TLL1: variants seen among roughly 807,000 people sequenced by gnomAD.
TLL1 encodes tolloid-like protein 1.
A neutral mutation model predicts 128.2 loss-of-function variants in TLL1; 49 were observed. That is an observed-to-expected ratio of 0.38 (90% confidence interval 0.30 to 0.48). The LOEUF is 0.48. TLL1 is among the 20% of genes least tolerant of loss of function. TLL1 has a pLI of 0.96. For synonymous variants in TLL1, 454 were observed against 418.8 expected (o/e 1.08, Z -1.03); for missense variants, 1,123 against 1,242.0 (o/e 0.90, Z 1.44).
Position 165,978,947 on chromosome 4 carries a change from A to C in TLL1, c.170-10434A>C, listed in dbSNP as rs542343216. On this transcript the variant is annotated intron_variant, in intron 1 of 20. Coordinates refer to ENST00000061240, the MANE Select transcript of TLL1 (RefSeq NM_012464.5). ...AAGAGTTGTAAAATAGTTTGTTCCC[A>C]TCCACTTGTATTTGAAAGTTTGAGG... is the stretch of plus-strand genomic sequence containing the variant. Among the ~76,000 whole-genome samples the C allele has an allele frequency of 8.5e-5, 13 of 152,258 alleles. No homozygotes were observed. In the East Asian group the frequency reaches 2.5e-3, roughly 29 times the overall value.
chr4:165,971,645 A>G (rs1735631760), intron 1 of TLL1, among the ~76,000 whole-genome samples: 1 of 152,162 alleles, frequency 6.6e-6, no homozygotes, highest in South Asian at 2.1e-4. Context: ...AGAAGCCCAA[A>G]TTTCTCAGTG....
intron 12 of TLL1, chr4:166,044,423 T>A: frequency 1.3e-6 from 2 of 1,535,544 alleles, no homozygotes; most frequent in Non-Finnish European, 1.7e-6. Context: ...CTCATCCTCA[T>A]CTGGAAGCCT....
chr4:166,014,300 G>A, intron 7 of TLL1, 136 bp from the exon 8 acceptor site: 1 of 1,294,016 alleles, frequency 7.7e-7, no homozygotes, highest in South Asian at 1.2e-5. Context: ...TTGAAAGCCT[G>A]ATACACTGCT....
intron 1 of TLL1, among the ~76,000 whole-genome samples, chr4:165,890,877 A>G (rs891135130): frequency 6.6e-6 from 1 of 152,116 alleles, no homozygotes; most frequent in Non-Finnish European, 1.5e-5. Context: ...TTTTCCTTCC[A>G]TACTGCCCTA....
At chr4:165,888,720 T>A (rs973439196) in intron 1 of TLL1, among the ~76,000 whole-genome samples, 4 of 152,150 alleles carry the variant, frequency 2.6e-5, no homozygotes, top group African/African-American at 9.7e-5. Flanking sequence ...TTTTCTCCCC[T>A]CTACTTAGTT....
intron 18 of TLL1, 62 bp downstream of exon 18, chr4:166,078,092 A>G (rs1741118728): frequency 1.2e-6 from 2 of 1,606,098 alleles, no homozygotes; most frequent in South Asian, 1.1e-5. Flanking sequence ...CACTACAAGC[A>G]CTTGGAAATA....
chr4:166,064,015 G>A (rs1228163024), intron 15 of TLL1, among the ~76,000 whole-genome samples: 1 of 151,446 alleles, frequency 6.6e-6, no homozygotes, highest in Admixed American at 6.6e-5. Context: ...AAAAAGAAAT[G>A]TGATGAACTT....
rs774212831 is a variant in TLL1 at position 166,025,301 on chromosome 4, T to TA, written c.1043-15_1043-14insA. ...ATAAATTAACCAATGATCTTATATA[T>TA]TTTTTTCCTTTCAGCATGTGGAGAA... On this transcript the variant is annotated splice_polypyrimidine_tract_variant and intron_variant, in intron 8 of 20. Transcript: ENST00000061240. 6 of 1,533,772 alleles carry TA rather than the reference T, an allele frequency of 3.9e-6. No individual in the cohort carries two copies. In the Admixed American group the frequency reaches 5.0e-5, roughly 13 times the overall value.
chr4:166,034,004 A>G (rs1288003610), intron 9 of TLL1, among the ~76,000 whole-genome samples: 1 of 152,166 alleles, frequency 6.6e-6, no homozygotes, highest in Non-Finnish European at 1.5e-5. Context: ...ATTTACACAT[A>G]TGGAGTGAAT....
intron 9 of TLL1, among the ~76,000 whole-genome samples, chr4:166,035,211 C>G (rs552100691): frequency 6.6e-6 from 1 of 152,078 alleles, no homozygotes; most frequent in Non-Finnish European, 1.5e-5. Context: ...TAGGTTTAAG[C>G]AGAAAAGTTA....
At chr4:166,081,741 AT>A (rs200031279) in intron 18 of TLL1, among the ~76,000 whole-genome samples, 1,989 of 145,928 alleles carry the variant, frequency 0.014, 44 homozygotes, top group African/African-American at 0.044. Context: ...CAAAGTTGTT[AT>A]TTTTTTTTTT....
At chr4:165,912,726 G>A (rs1732594716) in intron 1 of TLL1, among the ~76,000 whole-genome samples, 1 of 152,156 alleles carries the variant, frequency 6.6e-6, no homozygotes, top group Non-Finnish European at 1.5e-5. Context: ...CGTTCTGTCA[G>A]GGTATCTTGA....
At chr4:166,093,794 G>A (rs915976298) in intron 19 of TLL1, among the ~76,000 whole-genome samples, 26 of 152,112 alleles carry the variant, frequency 1.7e-4, no homozygotes, top group Middle Eastern at 3.2e-3. Context: ...CTGGTTTATC[G>A]AGACTAGAGA....
chr4:165,912,692 G>A lies in TLL1; in HGVS notation c.169+38619G>A, dbSNP rs574906456. ...TCGTTCCATAGTTGTTCAATAGAAT[G>A]TGAGAAGTTAGGGACTCCGGTATCG... On this transcript the variant is annotated intron_variant, in intron 1 of 20. Transcript: ENST00000061240. 1.4e-4 allele frequency among the ~76,000 whole-genome samples: 21 copies of A among 152,276 alleles called. No individual in the cohort carries two copies. In the South Asian group the frequency reaches 1.5e-3, roughly 11 times the overall value.
At chr4:166,065,994 C>T in intron 16 of TLL1, 131 bp downstream of exon 16, 1 of 177,248 alleles carries the variant, frequency 5.6e-6, no homozygotes, top group Non-Finnish European at 8.6e-6. Context: ...ACAAACAACA[C>T]AAAAATAATT....
chr4:165,916,798 CTGTCTATACA>C (rs1453043882), intron 1 of TLL1, among the ~76,000 whole-genome samples: 2 of 152,060 alleles, frequency 1.3e-5, no homozygotes, highest in East Asian at 3.9e-4. Flanking sequence ...GTTCTGCTGC[CTGTCTATACA>C]TTCCGATTTT....
chr4:165,968,719 G>T (rs1156852283), intron 1 of TLL1, among the ~76,000 whole-genome samples: 1 of 152,082 alleles, frequency 6.6e-6, no homozygotes, highest in African/African-American at 2.4e-5. Context: ...AACTATTTCA[G>T]TCATAATGTT....
intron 1 of TLL1, among the ~76,000 whole-genome samples, chr4:165,901,163 T>C (rs1731966726): frequency 6.6e-6 from 1 of 152,136 alleles, no homozygotes; most frequent in East Asian, 1.9e-4. Flanking sequence ...GTTCTTAGTT[T>C]CCTTGCATTG....
chr4:166,059,815 A>C lies in TLL1; in HGVS notation c.1847-213A>C, dbSNP rs3756016. Among the ~76,000 whole-genome samples, 65,953 of 151,746 alleles carry C rather than the reference A, an allele frequency of 0.43. 15,610 individuals carry two copies. Among genetic ancestry groups the C allele is most frequent in the African/African-American group, 0.63 (26,155 of 41,368 alleles). The stretch of plus-strand genomic sequence containing the variant: ...TAGTACAGCCATAATATTCTCGGCT[A>C]CTAAGCTACAAAATAACACCTTAAA... On this transcript the variant is annotated intron_variant, in intron 14 of 20. Coordinates refer to ENST00000061240, the MANE Select transcript of TLL1 (RefSeq NM_012464.5).
Sources: allele counts gnomAD v4.1 joint callset (sites outside exome capture counted in the v4.1 genomes callset), GRCh38; gene constraint gnomAD v4.1.1; transcripts MANE v1.5; gene names NCBI Gene and HGNC (gene_info 2026-07-23, HGNC 2026-07-21).